CLEC4A: variants seen among roughly 807,000 people sequenced by gnomAD.
CLEC4A encodes C-type lectin domain family 4 member A.
CLEC4A carries 27 observed loss-of-function variants against 32.7 expected under a neutral mutation model. The ratio of observed to expected loss-of-function variants is 0.83; its 90% CI spans 0.61 to 1.14. CLEC4A has a LOEUF of 1.14. Ranked by LOEUF, CLEC4A falls within the 50% of genes most tolerant of loss-of-function variation. CLEC4A has a pLI of 0.00. For synonymous variants in CLEC4A, 89 were observed against 93.7 expected (o/e 0.95, Z 0.29); for missense variants, 253 against 274.6 (o/e 0.92, Z 0.55).
upstream of CLEC4A, among the ~76,000 whole-genome samples, chr12:8,119,119 G>A (rs77917941): frequency 0.013 from 2,027 of 152,302 alleles, 49 homozygotes; most frequent in African/African-American, 0.047. Flanking sequence ...GCTATAACAT[G>A]GATGAACCTC....
At chr12:8,117,877 C>T in the CLEC4A span, among the ~76,000 whole-genome samples, 49 of 152,252 alleles carry the variant, frequency 3.2e-4, no homozygotes, top group African/African-American at 8.4e-4. Context: ...ACAACCATTA[C>T]TTGCGTAAAC....
chr12:8,128,208 G>A (rs1356828551), intron 2 of CLEC4A, among the ~76,000 whole-genome samples: 1 of 152,072 alleles, frequency 6.6e-6, no homozygotes, highest in Non-Finnish European at 1.5e-5. Context: ...AAACAACAAA[G>A]AGTAGTGTCC....
chr12:8,123,173 A>G (rs758533223), upstream of CLEC4A, among the ~76,000 whole-genome samples: 5 of 152,342 alleles, frequency 3.3e-5, no homozygotes, highest in African/African-American at 1.2e-4. Flanking sequence ...TCCAACATCC[A>G]GTAAAGGGAG....
the CLEC4A span, among the ~76,000 whole-genome samples, chr12:8,114,043 A>G: frequency 1.3e-5 from 2 of 152,148 alleles, no homozygotes; most frequent in African/African-American, 4.8e-5. Context: ...CAAGAGATTC[A>G]TGGTTGGCTG....
intron 2 of CLEC4A, among the ~76,000 whole-genome samples, chr12:8,126,287 C>T (rs1947900478): frequency 6.6e-6 from 1 of 152,114 alleles, no homozygotes; most frequent in Non-Finnish European, 1.5e-5. Flanking sequence ...TCACTGCAAC[C>T]TCCACCTCCC....
the CLEC4A span, among the ~76,000 whole-genome samples, chr12:8,110,982 T>G: frequency 2.0e-5 from 3 of 151,948 alleles, no homozygotes; most frequent in Non-Finnish European, 4.4e-5. Flanking sequence ...CACACCATTC[T>G]CCTGCCTCAG....
At position 8,138,560 on chromosome 12, in the gene CLEC4A, G is replaced by T; in HGVS notation, c.*273G>T. 4.0e-6 allele frequency: 1 copy of T among 252,522 alleles called. No homozygotes were observed. Among genetic ancestry groups the T allele is most frequent in the Admixed American group, 5.3e-5 (1 of 18,752 alleles). The allele number at this position is 252,522 out of a possible 1,614,324, so 15.6% of individuals were successfully genotyped here. A position where few individuals can be genotyped will look rare whatever the true frequency, so the allele number is the denominator to read the frequency against. ...CATGAGTCTCTCTTAATTTTTATCTGGTTGCTAAAGAATTATTTACCAATA... is the reference window on the plus strand; with the variant it reads ...CATGAGTCTCTCTTAATTTTTATCTTGTTGCTAAAGAATTATTTACCAATA... On this transcript the variant is annotated 3_prime_UTR_variant, in exon 6 of 6. Transcript: ENST00000229332.
rs760730509 is a variant in CLEC4A, at chr12:8,135,733, G to T, written c.447G>T (p.Glu149Asp). ...TGCTGGTGATAAACACTCAAGAAGAGCAGGTACTTTCTAATAGATAATGGG... is the reference window on the plus strand; with the variant it reads ...TGCTGGTGATAAACACTCAAGAAGATCAGGTACTTTCTAATAGATAATGGG... ...AHLLVINTQEEQDFIFQNLQE... is the reference protein window; with the variant it reads ...AHLLVINTQEDQDFIFQNLQE... Residue 149 changes from glutamate to aspartate, a missense_variant, in exon 4 of 6, where the codon GAG becomes GAT. By Grantham distance (45) the Glu-to-Asp change is conservative. Coordinates refer to ENST00000229332, the MANE Select transcript of CLEC4A (RefSeq NM_016184.4). The T allele has an allele frequency of 6.2e-7, 1 of 1,613,884 alleles. No individual in the cohort carries two copies. The highest frequency in any genetic ancestry group is 1.7e-5 in the Admixed American group (1 of 60,018).
At chr12:8,133,421 C>G (rs1458647192) in intron 3 of CLEC4A, among the ~76,000 whole-genome samples, 1 of 151,902 alleles carries the variant, frequency 6.6e-6, no homozygotes, top group Non-Finnish European at 1.5e-5. Context: ...TCACTAATCT[C>G]TCTATCCCCT....
At chr12:8,135,020 GTCAGATAATTCTAACAATTTTATTATC>G (rs1565406458) in intron 3 of CLEC4A, among the ~76,000 whole-genome samples, 5 of 17,650 alleles carry the variant, frequency 2.8e-4, no homozygotes, top group Admixed American at 9.2e-4. Context: ...TTAAATCTTT[GTCAGATAATTCTAACAATTTTATTATC>G]TTTTTTTTTT....
intron 3 of CLEC4A, among the ~76,000 whole-genome samples, chr12:8,135,045 A>ATTTTTTTTTTTTTTTTTT (rs1565406500): frequency 4.0e-4 from 2 of 4,966 alleles, no homozygotes; most frequent in Non-Finnish European, 9.5e-4. Context: ...CAATTTTATT[A>ATTTTTTTTTTTTTTTTTT]TCTTTTTTTT....
At chr12:8,111,154 G>A in the CLEC4A span, among the ~76,000 whole-genome samples, 1 of 148,960 alleles carries the variant, frequency 6.7e-6, no homozygotes, top group Non-Finnish European at 1.5e-5. Flanking sequence ...TTACAGGTGT[G>A]AGCCACCGCG....
At chr12:8,111,596 G>A in the CLEC4A span, among the ~76,000 whole-genome samples, 1 of 152,072 alleles carries the variant, frequency 6.6e-6, no homozygotes, top group Admixed American at 6.5e-5. Context: ...AATTAATAAT[G>A]TTCTGAAGTT....
At chr12:8,117,514 C>T in the CLEC4A span, among the ~76,000 whole-genome samples, 17 of 152,158 alleles carry the variant, frequency 1.1e-4, no homozygotes, top group Admixed American at 4.6e-4. Flanking sequence ...GCTGGGATTA[C>T]AGGTGTGAGC....
chr12:8,127,070 C>G (rs1391984394), intron 2 of CLEC4A, among the ~76,000 whole-genome samples: 1 of 152,192 alleles, frequency 6.6e-6, no homozygotes, highest in African/African-American at 2.4e-5. Flanking sequence ...TTATTTAGCT[C>G]ATAAATCTGT....
At chr12:8,104,924 G>A in the CLEC4A span, among the ~76,000 whole-genome samples, 1 of 152,066 alleles carries the variant, frequency 6.6e-6, no homozygotes, top group Non-Finnish European at 1.5e-5. Context: ...TTTTATGGCT[G>A]CATAGTATTC....
chr12:8,113,176 A>C, the CLEC4A span, among the ~76,000 whole-genome samples: 14 of 128,966 alleles, frequency 1.1e-4, no homozygotes, highest in East Asian at 7.1e-4. Flanking sequence ...TCCATGTGTT[A>C]TCATTGTTCA....
the CLEC4A span, among the ~76,000 whole-genome samples, chr12:8,112,136 T>C: frequency 6.6e-6 from 1 of 151,948 alleles, no homozygotes; most frequent in African/African-American, 2.4e-5. Context: ...GCCCGTCTAA[T>C]TTTGTATTTT....
chr12:8,122,810 G>A (rs962206378), upstream of CLEC4A, among the ~76,000 whole-genome samples: 8 of 152,004 alleles, frequency 5.3e-5, no homozygotes, highest in South Asian at 2.1e-4. Context: ...AAATATAGAC[G>A]TGTGTGTTTG....
Sources: gnomAD v4.1 joint callset for allele counts (sites outside exome capture counted in the v4.1 genomes callset) on GRCh38, gnomAD v4.1.1 for gene constraint, MANE v1.5 for transcripts, NCBI Gene and HGNC (gene_info 2026-07-23, HGNC 2026-07-21) for gene names.